Variants in CLIP4 observed in about 807,000 individuals in gnomAD.
The protein encoded by CLIP4 is CAP-Gly domain-containing linker protein 4.
CLIP4 carries 47 observed loss-of-function variants against 73.1 expected under a neutral mutation model. The observed-to-expected ratio is 0.64, with a 90% CI of 0.51 to 0.82. The LOEUF is 0.82. Among genes scored for constraint, CLIP4 ranks in the 40% least tolerant of loss-of-function variants. CLIP4 has a pLI of 0.00. For synonymous variants in CLIP4, 306 were observed against 295.4 expected (o/e 1.04, Z -0.37); for missense variants, 874 against 852.9 (o/e 1.02, Z -0.31).
In CLIP4 at chr2:29,137,772, A is replaced by G. The variant is rs191910476; in HGVS notation, c.648+2106A>G. On this transcript the variant is annotated intron_variant, in intron 6 of 15. Coordinates refer to ENST00000320081, the MANE Select transcript of CLIP4 (RefSeq NM_024692.6). ...ATTAGCATTTCTCTGATGATTAGTG[A>G]CGTTGAGCATTTTTTATATTTGTTG... 1.2e-3 allele frequency among the ~76,000 whole-genome samples: 181 copies of G among 152,246 alleles called. 2 individuals carry two copies. The South Asian group carries it at 0.018, about 15-fold the overall frequency.
intron 1 of CLIP4, among the ~76,000 whole-genome samples, chr2:29,103,206 CAGAT>C (rs1315977328): frequency 1.3e-5 from 2 of 151,972 alleles, no homozygotes; most frequent in African/African-American, 2.4e-5. Flanking sequence ...ATTCTAATTT[CAGAT>C]AGATAAAAAA....
Position 29,143,759 on chromosome 2 carries a change from G to A in CLIP4, c.699G>A (p.Met233Ile), listed in dbSNP as rs1028504947. The change falls in exon 7 of 16, where the codon ATG becomes ATA. Residue 233 changes from methionine to isoleucine, a missense_variant. By Grantham distance (10) the Met-to-Ile change is conservative (BLOSUM62 1). Coordinates refer to ENST00000320081, the MANE Select transcript of CLIP4 (RefSeq NM_024692.6). ...ATGTTGTTCCAGACCCAGTAGATATGCCGTTAGAGATGGCTGACGCCGCAG... is the reference window on the plus strand; with the variant it reads ...ATGTTGTTCCAGACCCAGTAGATATACCGTTAGAGATGGCTGACGCCGCAG... ...PADVVPDPVD[M>I]PLEMADAAAT... The A allele has an allele frequency of 6.2e-7, 1 of 1,614,100 alleles. No individual in the cohort carries two copies. The highest frequency in any genetic ancestry group is 1.3e-5 in the African/African-American group (1 of 75,054).
chr2:29,148,416 T>C (rs1425545274), intron 8 of CLIP4, among the ~76,000 whole-genome samples: 6 of 152,242 alleles, frequency 3.9e-5, no homozygotes, highest in Non-Finnish European at 8.8e-5. Context: ...TCATACCTAT[T>C]AGATTTTTTT....
rs968742460 is a variant in CLIP4, at chr2:29,108,123, C to G, written c.-16+10176C>G. On this transcript the variant is annotated intron_variant, in intron 1 of 14. Transcript: ENST00000401605. ...ATGTTCTAAGATTCCCAGTGGATGCCTGAATCAAATCCTATATGTACTATG... is the reference window on the plus strand; with the variant it reads ...ATGTTCTAAGATTCCCAGTGGATGCGTGAATCAAATCCTATATGTACTATG... 1.5e-4 allele frequency among the ~76,000 whole-genome samples: 23 copies of G among 152,198 alleles called. No individual in the cohort carries two copies. The East Asian group carries it at 3.5e-3, about 23-fold the overall frequency.
At chr2:29,145,891 A>G (rs1666130625) in intron 8 of CLIP4, among the ~76,000 whole-genome samples, 1 of 152,226 alleles carries the variant, frequency 6.6e-6, no homozygotes, top group Admixed American at 6.5e-5. Context: ...CATGTTGGCC[A>G]GACTGGTCTC....
At chr2:29,115,384 C>A (rs1219664433), upstream of CLIP4, 3 of 151,426 alleles carry the variant, frequency 2.0e-5, no homozygotes, top group Non-Finnish European at 4.4e-5. The surrounding 1 kb of genome is among the most constrained non-coding windows in gnomAD (Gnocchi z 5.1). Context: ...GGGAGCCAGG[C>A]GAGCCAGCGC....
chr2:29,174,787 T>C (rs1668225820), intron 15 of CLIP4: 2 of 519,008 alleles, frequency 3.9e-6, no homozygotes, highest in South Asian at 8.4e-5. Flanking sequence ...TGATTTAATA[T>C]TGTCAGTGAT....
intron 7 of CLIP4, among the ~76,000 whole-genome samples, chr2:29,144,798 C>CTTTTTTTT (rs34304199): frequency 3.6e-5 from 3 of 84,288 alleles, no homozygotes; most frequent in African/African-American, 1.0e-4. Context: ...AGTTATATCC[C>CTTTTTTTT]TTTTTTTTTT....
chr2:29,157,380 GT>G (rs1666995617), intron 11 of CLIP4, 33 bp downstream of exon 11: 2 of 1,613,744 alleles, frequency 1.2e-6, no homozygotes, highest in Admixed American at 3.3e-5. Flanking sequence ...GGCTTTCTTG[GT>G]GTTTTTTATC....
At position 29,160,386 on chromosome 2, in the gene CLIP4, C is replaced by G; in HGVS notation, c.1453C>G (p.Leu485Val). Residue 485 changes from leucine (L) to valine (V), a missense_variant, in exon 12 of 16, where the codon CTC (leucine) becomes GTC (valine). Transcript: ENST00000320081. ...AAATAATAGCCGTTGCGAGGGGGAA[C>G]TCCGCCTCGGAGAGAGAGTGTTAGT... is the stretch of plus-strand genomic sequence containing the variant. Reference protein sequence around the residue: ...TANNSRCEGELRLGERVLVVG... With the variant: ...TANNSRCEGEVRLGERVLVVG... The G allele has an allele frequency of 1.9e-6, 3 of 1,614,138 alleles. No homozygotes were observed. The highest frequency in any genetic ancestry group is 2.5e-6 in the Non-Finnish European group (3 of 1,180,006).
intron 6 of CLIP4, among the ~76,000 whole-genome samples, chr2:29,143,123 A>G (rs1036267651): frequency 1.1e-4 from 16 of 152,240 alleles, no homozygotes; most frequent in African/African-American, 3.9e-4. Context: ...CTCTGGAACC[A>G]TGGATCTGGG....
chr2:29,105,311 A>G lies in CLIP4; in HGVS notation c.-16+7364A>G, dbSNP rs190723169. ...GAAATCTAAGTTGAATTGGTAAAAG[A>G]ATCTCAAGGTAACTGTCTTTTCTGT... On this transcript the variant is annotated intron_variant, in intron 1 of 14. Coordinates refer to the CLIP4 transcript ENST00000401605. Among the ~76,000 whole-genome samples, 528 of 152,370 alleles carry G rather than the reference A, an allele frequency of 3.5e-3. 2 individuals carry two copies. Among genetic ancestry groups the G allele is most frequent in the African/African-American group, 0.012 (497 of 41,584 alleles).
At chr2:29,108,201 C>T (rs1300227950) in intron 1 of CLIP4, among the ~76,000 whole-genome samples, 1 of 152,082 alleles carries the variant, frequency 6.6e-6, no homozygotes, top group Non-Finnish European at 1.5e-5. Context: ...AAATTAGGCA[C>T]AGTAAGAGAT....
chr2:29,102,168 C>G (rs991413325), intron 1 of CLIP4, among the ~76,000 whole-genome samples: 1 of 152,096 alleles, frequency 6.6e-6, no homozygotes, highest in African/African-American at 2.4e-5. Flanking sequence ...AACCCTATTG[C>G]TTTAATCTCT....
At chr2:29,171,510 G>C (rs1421709208) in intron 14 of CLIP4, among the ~76,000 whole-genome samples, 2 of 147,900 alleles carry the variant, frequency 1.4e-5, no homozygotes, top group Non-Finnish European at 3.0e-5. Context: ...ATGGCATATA[G>C]TTAGGTTTTC....
rs1668673035 is a variant in CLIP4, at chr2:29,182,016, C to T, written c.*123C>T. 1 of 757,388 alleles carries T rather than the reference C, an allele frequency of 1.3e-6. No homozygotes were observed. Among genetic ancestry groups the T allele is most frequent in the African/African-American group, 1.8e-5 (1 of 56,590 alleles). 46.9% of individuals were successfully genotyped at this position (757,388 alleles called of 1,614,324 possible). A position where few individuals can be genotyped will look rare whatever the true frequency, so the allele number is the denominator to read the frequency against. The stretch of plus-strand genomic sequence containing the variant: ...AAAATATAGTTATCTTCTTAAAAAC[C>T]ATTATAACAATTCAGAGAGAGTTCT... On this transcript the variant is annotated 3_prime_UTR_variant, in exon 16 of 16. Transcript: ENST00000320081.
chr2:29,113,091 T>G (rs923949119), upstream of CLIP4, among the ~76,000 whole-genome samples: 1 of 152,222 alleles, frequency 6.6e-6, no homozygotes, highest in Non-Finnish European at 1.5e-5. The surrounding 1 kb of genome is among the most constrained non-coding windows in gnomAD (Gnocchi z 4.0). Flanking sequence ...GACTTAGGTT[T>G]GAATCTTATT....
At chr2:29,152,566 G>A in intron 8 of CLIP4, 119 bp from the exon 9 acceptor site, 1 of 991,466 alleles carries the variant, frequency 1.0e-6, no homozygotes. Flanking sequence ...TCTCATCATA[G>A]GACATGCAGT....
intron 14 of CLIP4, chr2:29,167,757 C>G (rs555553758): frequency 1.1e-4 from 45 of 392,162 alleles, no homozygotes; most frequent in African/African-American, 9.1e-4. Context: ...TCTCATCTGC[C>G]TTGCTCTTCA....
Sources: gnomAD v4.1 joint callset for allele counts (sites outside exome capture counted in the v4.1 genomes callset) on GRCh38, gnomAD v4.1.1 for gene constraint, Gnocchi (gnomAD v3.1) non-coding constraint, MANE v1.5 for transcripts, NCBI Gene and HGNC (gene_info 2026-07-23, HGNC 2026-07-21) for gene names.